The following COL3A1 variants were observed in gnomAD, a reference collection of about 807,000 sequenced individuals.
The protein encoded by COL3A1 is collagen alpha-1(III) chain.
Under a neutral mutation model 200.9 loss-of-function variants are expected in COL3A1, and 46 were observed. The ratio of observed to expected loss-of-function variants is 0.23; its 90% CI spans 0.18 to 0.29. The LOEUF (loss-of-function observed/expected upper bound fraction) is 0.29, where lower values mean the gene tolerates loss of function less well. Among genes scored for constraint, COL3A1 ranks in the 10% least tolerant of loss-of-function variants. COL3A1 has a pLI of 1.00. For missense variants in COL3A1, 1,367 were observed against 1,917.6 expected (o/e 0.71, Z 5.36); for synonymous variants, 650 against 628.0 (o/e 1.03, Z -0.52).
At chr2:188,978,839 G>C (rs1315453708) in intron 1 of COL3A1, among the ~76,000 whole-genome samples, 1 of 149,670 alleles carries the variant, frequency 6.7e-6, no homozygotes, top group Non-Finnish European at 1.5e-5. Context: ...CCTGTTTCAT[G>C]TCAAGATGAC....
At chr2:188,979,722 G>A (rs923588643) in intron 1 of COL3A1, among the ~76,000 whole-genome samples, 1 of 151,704 alleles carries the variant, frequency 6.6e-6, no homozygotes, top group Non-Finnish European at 1.5e-5. Context: ...ACCTTGCAGG[G>A]ATAAAAAATC....
chr2:188,975,165 A>G (rs1687780834), intron 1 of COL3A1, among the ~76,000 whole-genome samples: 1 of 152,226 alleles, frequency 6.6e-6, no homozygotes, highest in South Asian at 2.1e-4. Context: ...TGTTTCAAGA[A>G]TGATTGATTA....
At position 189,012,286 on chromosome 2, in the gene COL3A1, G is replaced by T. The variant is rs1054659801; in HGVS notation, c.*512G>T. On this transcript the variant is annotated 3_prime_UTR_variant, in exon 51 of 51. Transcript: ENST00000304636. ...TATAAATTTCATTGATTAATCTCCT[G>T]GAAGATTGGTTTAAAAAGAAAAGTG... The T allele has an allele frequency of 5.9e-5, 9 of 152,768 alleles. No individual in the cohort carries two copies. The highest frequency in any genetic ancestry group is 1.9e-4 in the African/African-American group (8 of 41,434). 9.5% of individuals were successfully genotyped at this position (152,768 alleles called of 1,614,324 possible). A position where few individuals can be genotyped will look rare whatever the true frequency, so the allele number is the denominator to read the frequency against.
chr2:189,004,586 A>T (rs1380346693), intron 40 of COL3A1, among the ~76,000 whole-genome samples: 1 of 152,218 alleles, frequency 6.6e-6, no homozygotes, highest in African/African-American at 2.4e-5. Flanking sequence ...ACACAAATAA[A>T]TTAATATGAT....
chr2:188,993,579 GA>G lies in COL3A1; in HGVS notation c.1149+126del, dbSNP rs1688234101. The G allele has an allele frequency of 5.6e-6, 5 of 899,986 alleles. No individual in the cohort carries two copies. In the Admixed American group the frequency reaches 6.3e-5, roughly 11 times the overall value. 55.8% of individuals were successfully genotyped at this position (899,986 alleles called of 1,614,324 possible). A position where few individuals can be genotyped will look rare whatever the true frequency, so the allele number is the denominator to read the frequency against. ...TATGGCTATCAGTGAAAATTACTTT[GA>G]AAAAATTGTTGCTTAGTGCTCTAAA... On this transcript the variant is annotated intron_variant, in intron 16 of 50. Coordinates refer to ENST00000304636, the MANE Select transcript of COL3A1 (RefSeq NM_000090.4).
intron 32 of COL3A1, among the ~76,000 whole-genome samples, chr2:189,000,688 G>A (rs1049006715): frequency 3.9e-5 from 6 of 152,076 alleles, no homozygotes; most frequent in African/African-American, 1.4e-4. Flanking sequence ...TCCTAGTTTT[G>A]ATATTATATT....
chr2:188,996,771 C>T (rs1688329230), intron 24 of COL3A1, among the ~76,000 whole-genome samples: 1 of 152,140 alleles, frequency 6.6e-6, no homozygotes, highest in Non-Finnish European at 1.5e-5. Context: ...GGCAGATCAC[C>T]TGAGGTCAGG....
chr2:189,003,081 CTCTG>C lies in COL3A1; in HGVS notation c.2553+23_2553+26del, dbSNP rs982921278. On this transcript the variant is annotated intron_variant, in intron 36 of 50. Coordinates refer to ENST00000304636, the MANE Select transcript of COL3A1 (RefSeq NM_000090.4). Reference sequence around the variant, plus strand: ...ACCTGCTGTAAGTTCCTTCCTCTTTCTCTGTCTATCTATCTATCATCTATCTATC... The same window carrying C: ...ACCTGCTGTAAGTTCCTTCCTCTTTCTCTATCTATCTATCATCTATCTATC... The C allele has an allele frequency of 4.6e-5, 69 of 1,494,892 alleles. No individual in the cohort carries two copies. Among genetic ancestry groups the C allele is most frequent in the Middle Eastern group, 3.4e-4 (2 of 5,858 alleles). 92.6% of individuals were successfully genotyped at this position (1,494,892 alleles called of 1,614,324 possible). A position where few individuals can be genotyped will look rare whatever the true frequency, so the allele number is the denominator to read the frequency against.
chr2:188,995,238 C>G, intron 21 of COL3A1, 139 bp downstream of exon 21: 1 of 812,648 alleles, frequency 1.2e-6, no homozygotes, highest in East Asian at 2.7e-5. Context: ...TATAATGCAT[C>G]CTCTGTTCAA....
chr2:189,005,316 T>G, intron 40 of COL3A1, 34 bp from the exon 41 acceptor site: 1 of 1,566,436 alleles, frequency 6.4e-7, no homozygotes, highest in Non-Finnish European at 8.8e-7. Context: ...TTTCTTAAGT[T>G]GAAACAAAAT....
chr2:189,008,341 T>A (rs1688643482), intron 47 of COL3A1, 199 bp downstream of exon 47: 1 of 608,200 alleles, frequency 1.6e-6, no homozygotes, highest in East Asian at 2.9e-5. Context: ...AATACCTTTT[T>A]AAAAATTTGA....
chr2:188,978,106 C>A, intron 1 of COL3A1: 1 of 385,478 alleles, frequency 2.6e-6, no homozygotes, highest in South Asian at 1.9e-5. Context: ...ATGTATAGGC[C>A]TTTAGATCAT....
At chr2:188,980,410 CTAAAAGATTAA>C (rs1301718954) in intron 1 of COL3A1, among the ~76,000 whole-genome samples, 2 of 57,158 alleles carry the variant, frequency 3.5e-5, no homozygotes, top group Non-Finnish European at 6.5e-5. Context: ...TTAGACAATT[CTAAAAGATTAA>C]TCTTTTAGAC....
In COL3A1 at chr2:188,989,986, C is replaced by G. The variant is rs140165800; in HGVS notation, c.691-110C>G. On this transcript the variant is annotated intron_variant, in intron 8 of 50. Coordinates refer to ENST00000304636, the MANE Select transcript of COL3A1 (RefSeq NM_000090.4). ...ATCTCAACTATACATTTTGTGGAACCATTTTAATGAGTCCTTTGTGAGAAA... is the reference window on the plus strand; with the variant it reads ...ATCTCAACTATACATTTTGTGGAACGATTTTAATGAGTCCTTTGTGAGAAA... The G allele has an allele frequency of 1.6e-5, 16 of 984,638 alleles. No individual in the cohort carries two copies. In the African/African-American group the frequency reaches 2.5e-4, roughly 16 times the overall value. The allele number at this position is 984,638 out of a possible 1,614,324, so 61.0% of individuals were successfully genotyped here.
chr2:188,993,359 A>G lies in COL3A1; in HGVS notation c.1051-2A>G. 6.4e-7 allele frequency: 1 copy of G among 1,565,772 alleles called. No homozygotes were observed. The highest frequency in any genetic ancestry group is 8.7e-7 in the Non-Finnish European group (1 of 1,153,740). ...ACTGACTACACAAGGTTTTACCATT[A>G]GGGTGAAGTTGGACCTGCAGGGTCT... On this transcript the variant is annotated splice_acceptor_variant, in intron 15 of 50. Coordinates refer to ENST00000304636, the MANE Select transcript of COL3A1 (RefSeq NM_000090.4). LOFTEE classifies it high-confidence loss of function.
Position 188,974,578 on chromosome 2 carries a change from T to C in COL3A1, c.79+10T>C, listed in dbSNP as rs747389214. ...TTGGCACAACAGGAAGGTGAGTAGG[T>C]ACTGATTTCAAGAAACTTTATGGGA... On this transcript the variant is annotated intron_variant, in intron 1 of 50. Coordinates refer to ENST00000304636, the MANE Select transcript of COL3A1 (RefSeq NM_000090.4). The C allele has an allele frequency of 6.8e-6, 11 of 1,610,958 alleles. No individual in the cohort carries two copies. The African/African-American group carries it at 1.3e-4, about 20-fold the overall frequency.
In COL3A1 at chr2:189,004,007, G is replaced by A. The variant is rs1688529115; in HGVS notation, c.2687G>A (p.Ser896Asn). 3.7e-6 allele frequency: 6 copies of A among 1,612,486 alleles called. No individual in the cohort carries two copies. The African/African-American group carries it at 4.0e-5, about 11-fold the overall frequency. ...SNGNPGPPGP[S>N]GSPGKDGPPG... ...GGTAACCCAGGACCCCCAGGTCCCA[G>A]CGGTTCTCCAGGCAAGGATGGGCCC... The change falls in exon 39 of 51, where the codon AGC becomes AAC. Residue 896 changes from serine to asparagine, a missense_variant. Physicochemically the swap from Ser to Asn is conservative, Grantham distance 46 (BLOSUM62 1). Transcript: ENST00000304636.
intron 9 of COL3A1, 47 bp downstream of exon 9, chr2:188,990,196 A>C: frequency 6.2e-7 from 1 of 1,600,682 alleles, no homozygotes; most frequent in Non-Finnish European, 8.6e-7. Flanking sequence ...TCTTAGCTTG[A>C]AAACTATTAT....
chr2:188,984,999 A>C, intron 2 of COL3A1, 37 bp downstream of exon 2: 2 of 1,587,700 alleles, frequency 1.3e-6, no homozygotes, highest in Non-Finnish European at 1.7e-6. Context: ...TTCAATATTC[A>C]TATTTAGACA....
Sources: gnomAD v4.1 joint callset for allele counts (sites outside exome capture counted in the v4.1 genomes callset) on GRCh38, gnomAD v4.1.1 for gene constraint, MANE v1.5 for transcripts, NCBI Gene and HGNC (gene_info 2026-07-23, HGNC 2026-07-21) for gene names.